CNTNAP2: variants seen among roughly 807,000 people sequenced by gnomAD.
CNTNAP2 encodes contactin-associated protein-like 2.
Under a neutral mutation model 155.2 loss-of-function variants are expected in CNTNAP2, and 98 were observed. That is an observed-to-expected ratio of 0.63 (90% CI 0.54 to 0.75). The LOEUF is 0.75. CNTNAP2 is among the 30% of genes least tolerant of loss of function. The pLI is 0.00. For synonymous variants in CNTNAP2, 651 were observed against 631.2 expected, an observed-to-expected ratio of 1.03 and a Z score of -0.47; for missense variants, 1,727 against 1,688.1, an observed-to-expected ratio of 1.02 and a Z score of -0.40.
At chr7:146,350,576 T>G (rs918087159) in intron 1 of CNTNAP2, among the ~76,000 whole-genome samples, 3 of 151,774 alleles carry the variant, frequency 2.0e-5, no homozygotes, top group African/African-American at 7.3e-5. Context: ...TTTACACTGT[T>G]GGTGGGACTG....
At chr7:146,894,576 T>A (rs1376698796) in intron 3 of CNTNAP2, among the ~76,000 whole-genome samples, 1 of 152,144 alleles carries the variant, frequency 6.6e-6, no homozygotes, top group African/African-American at 2.4e-5. Flanking sequence ...TGAAAAATAA[T>A]TCAATTTAAA....
chr7:148,022,430 C>CT (rs1226186458), intron 15 of CNTNAP2, among the ~76,000 whole-genome samples: 6 of 147,278 alleles, frequency 4.1e-5, no homozygotes, highest in Non-Finnish European at 8.9e-5. Context: ...GATCGTGCCA[C>CT]TGCCCTCCAG....
intron 15 of CNTNAP2, among the ~76,000 whole-genome samples, chr7:148,018,778 C>A (rs950010555): frequency 6.6e-6 from 1 of 152,232 alleles, no homozygotes; most frequent in African/African-American, 2.4e-5. Flanking sequence ...CAGAGTTTGA[C>A]TCTCACCACA....
At chr7:147,276,885 A>G (rs1804908009) in intron 8 of CNTNAP2, among the ~76,000 whole-genome samples, 1 of 152,012 alleles carries the variant, frequency 6.6e-6, no homozygotes, top group Admixed American at 6.6e-5. Flanking sequence ...ACAATGTGCA[A>G]TGCAATTTAG....
intron 9 of CNTNAP2, among the ~76,000 whole-genome samples, chr7:147,351,529 G>A (rs976050752): frequency 6.6e-5 from 10 of 151,630 alleles, no homozygotes; most frequent in African/African-American, 2.4e-4. Flanking sequence ...TTTTGCCTAT[G>A]TTTAATATAT....
At chr7:148,353,211 C>T (rs139806103) in intron 21 of CNTNAP2, among the ~76,000 whole-genome samples, 1 of 152,262 alleles carries the variant, frequency 6.6e-6, no homozygotes, top group East Asian at 1.9e-4. Context: ...TGAGAATGCC[C>T]ACTGAAGTGT....
At chr7:147,014,697 A>C (rs1404156) in intron 3 of CNTNAP2, among the ~76,000 whole-genome samples, 64,607 of 151,894 alleles carry the variant, frequency 0.43, 14,454 homozygotes, top group African/African-American at 0.55. Flanking sequence ...CAGCAACATT[A>C]AGCTCCCCTG....
At chr7:147,585,464 AAAT>A (rs1462507003) in intron 12 of CNTNAP2, among the ~76,000 whole-genome samples, 2 of 149,500 alleles carry the variant, frequency 1.3e-5, no homozygotes, top group East Asian at 1.9e-4. Flanking sequence ...ATATATGTGT[AAAT>A]AATATTTATT....
intron 2 of CNTNAP2, among the ~76,000 whole-genome samples, chr7:146,831,669 CAAAAAAAAAAAAAAAAAAA>C (rs531970313): frequency 1.8e-4 from 3 of 16,806 alleles, no homozygotes; most frequent in Non-Finnish European, 3.9e-4. Flanking sequence ...AGCAAGACGC[CAAAAAAAAAAAAAAAAAAA>C]AAAAAAAAAA....
chr7:147,263,781 C>T (rs553006621), intron 8 of CNTNAP2, among the ~76,000 whole-genome samples: 1 of 152,240 alleles, frequency 6.6e-6, no homozygotes, highest in East Asian at 1.9e-4. Context: ...TGGATGGATA[C>T]CTTGATATTT....
At chr7:146,971,801 C>A (rs1351808392) in intron 3 of CNTNAP2, among the ~76,000 whole-genome samples, 2 of 152,070 alleles carry the variant, frequency 1.3e-5, no homozygotes, top group East Asian at 1.9e-4. Context: ...CCTGCTAATA[C>A]CCCCACCTGC....
At chr7:148,411,925 A>G (rs900798348) in intron 23 of CNTNAP2, among the ~76,000 whole-genome samples, 3 of 146,070 alleles carry the variant, frequency 2.1e-5, no homozygotes, top group Non-Finnish European at 4.5e-5. Flanking sequence ...TCCTTAGCCA[A>G]TATCATGCTT....
intron 21 of CNTNAP2, among the ~76,000 whole-genome samples, chr7:148,383,188 CTTTTT>C (rs34329815): frequency 7.2e-6 from 1 of 138,980 alleles, no homozygotes; most frequent in Non-Finnish European, 1.5e-5. Context: ...AATTCTTGTT[CTTTTT>C]TTTTTTTTTT....
At chr7:148,241,341 C>T (rs1427177780) in intron 20 of CNTNAP2, among the ~76,000 whole-genome samples, 1 of 152,194 alleles carries the variant, frequency 6.6e-6, no homozygotes, top group Non-Finnish European at 1.5e-5. Flanking sequence ...TCAGTACCAA[C>T]AGGCTCTTTG....
intron 8 of CNTNAP2, among the ~76,000 whole-genome samples, chr7:147,238,721 C>T (rs1289923554): frequency 6.6e-6 from 1 of 152,128 alleles, no homozygotes; most frequent in Admixed American, 6.5e-5. Flanking sequence ...GATGTATTTC[C>T]AGTAAACGTA....
chr7:147,522,961 T>C (rs1799255844), intron 11 of CNTNAP2, among the ~76,000 whole-genome samples: 1 of 152,228 alleles, frequency 6.6e-6, no homozygotes, highest in Admixed American at 6.5e-5. Context: ...ACTAGTTATG[T>C]GTTACAGAGC....
intron 14 of CNTNAP2, among the ~76,000 whole-genome samples, chr7:147,969,523 C>A (rs932362479): frequency 1.3e-5 from 2 of 152,122 alleles, no homozygotes; most frequent in African/African-American, 2.4e-5. Flanking sequence ...CTCCCATAAA[C>A]CCTGTATGAC....
chr7:147,242,986 C>CTTTTTTTTT (rs1563130639), intron 8 of CNTNAP2, among the ~76,000 whole-genome samples: 4 of 42,160 alleles, frequency 9.5e-5, no homozygotes, highest in African/African-American at 4.1e-4. Flanking sequence ...CTATGCTTTG[C>CTTTTTTTTT]ATTTTTTTTT....
intron 1 of CNTNAP2, among the ~76,000 whole-genome samples, chr7:146,735,495 C>T (rs1284298560): frequency 1.3e-5 from 2 of 152,064 alleles, no homozygotes; most frequent in African/African-American, 4.8e-5. Flanking sequence ...GCGGAGCTTG[C>T]AGTGAGCCGA....
Sources: gnomAD v4.1 joint callset for allele counts (sites outside exome capture counted in the v4.1 genomes callset) on GRCh38, gnomAD v4.1.1 for gene constraint, MANE v1.5 for transcripts, NCBI Gene and HGNC (gene_info 2026-07-23, HGNC 2026-07-21) for gene names.